ARL13B: variants seen among roughly 807,000 people sequenced by gnomAD.
ARL13B encodes ADP-ribosylation factor-like protein 13B.
In ARL13B, 36 loss-of-function variants were observed where a neutral mutation model predicts 56.1. That is an observed-to-expected ratio of 0.64 (90% CI 0.49 to 0.85). The LOEUF (loss-of-function observed/expected upper bound fraction) is 0.85, where lower values mean the gene tolerates loss of function less well. Ranked by LOEUF, ARL13B falls within the 40% of genes least tolerant of loss-of-function variation. ARL13B has a pLI of 0.00. For synonymous variants in ARL13B, 178 were observed against 171.1 expected, an observed-to-expected ratio of 1.04 and a Z score of -0.32; for missense variants, 519 against 507.1, an observed-to-expected ratio of 1.02 and a Z score of -0.23.
At position 93,986,407 on chromosome 3, in the gene ARL13B, GT is replaced by G. The variant is rs746922640; in HGVS notation, c.59+5931del. On this transcript the variant is annotated intron_variant, in intron 1 of 9. Transcript: ENST00000394222. Reference sequence around the variant, plus strand: ...TAGTGTACTGCAATAAAATCACACTGTTTTTTCGATACATTTTTTTCTTTCT... The same window carrying G: ...TAGTGTACTGCAATAAAATCACACTGTTTTTCGATACATTTTTTTCTTTCT... Among the ~76,000 whole-genome samples, 44 of 151,990 alleles carry G rather than the reference GT, an allele frequency of 2.9e-4. No individual in the cohort carries two copies. The East Asian group carries it at 7.3e-3, about 25-fold the overall frequency.
In ARL13B at chr3:94,036,696, C is replaced by G. The variant is rs1270371069; in HGVS notation, c.631C>G (p.Leu211Val). Residue 211 changes from leucine to valine, a missense_variant, in exon 5 of 10, where the codon CTT (leucine) becomes GTT (valine). Physicochemically the swap from Leu to Val is conservative, Grantham distance 32. Coordinates refer to ENST00000394222, the MANE Select transcript of ARL13B (RefSeq NM_001174150.2). ...IQKETTEQRA[L>V]EEQEKQERAE... Reference sequence around the variant, plus strand: ...AAAAGAGACAACAGAGCAGCGTGCTCTTGAGGAACAAGAGAAACAAGAAAG... The same window carrying G: ...AAAAGAGACAACAGAGCAGCGTGCTGTTGAGGAACAAGAGAAACAAGAAAG... 1 of 1,613,908 alleles carries G rather than the reference C, an allele frequency of 6.2e-7. No individual in the cohort carries two copies. The highest frequency in any genetic ancestry group is 1.7e-5 in the Admixed American group (1 of 60,008).
intron 2 of ARL13B, among the ~76,000 whole-genome samples, chr3:93,998,410 C>G (rs2076001208): frequency 1.3e-5 from 2 of 152,144 alleles, no homozygotes; most frequent in Admixed American, 6.5e-5. Context: ...GTCAAAGCTG[C>G]CTTCAACTTC....
chr3:94,054,634 T>C lies in ARL13B; in HGVS notation c.*1371T>C, dbSNP rs964403905. 5.3e-6 allele frequency: 2 copies of C among 377,002 alleles called. No homozygotes were observed. The highest frequency in any genetic ancestry group is 7.7e-5 in the East Asian group (1 of 12,998). 23.4% of individuals were successfully genotyped at this position (377,002 alleles called of 1,614,324 possible). On this transcript the variant is annotated 3_prime_UTR_variant, in exon 10 of 10. Transcript: ENST00000394222. ...CATTTTATGTCGTTTAATATAATTA[T>C]TTACTTTAAAAATTGTACTTCAGAA...
chr3:93,996,713 A>C (rs1356634982), intron 2 of ARL13B: 4 of 384,644 alleles, frequency 1.0e-5, no homozygotes, highest in Non-Finnish European at 2.2e-5. Flanking sequence ...TTTGTGCTAC[A>C]ATATAGCAGT....
intron 1 of ARL13B, among the ~76,000 whole-genome samples, chr3:93,995,371 A>C (rs1473884460): frequency 6.6e-6 from 1 of 152,000 alleles, no homozygotes; most frequent in Non-Finnish European, 1.5e-5. Flanking sequence ...AAATATTTTA[A>C]ACTTTACAAT....
chr3:93,986,181 A>G (rs1710451447), intron 1 of ARL13B, among the ~76,000 whole-genome samples: 1 of 152,146 alleles, frequency 6.6e-6, no homozygotes, highest in Admixed American at 6.6e-5. Context: ...TAATATAGAA[A>G]AGGACCTAGA....
At chr3:94,037,691 T>G (rs909414196) in intron 5 of ARL13B, among the ~76,000 whole-genome samples, 6 of 151,828 alleles carry the variant, frequency 4.0e-5, no homozygotes, top group Non-Finnish European at 8.8e-5. Flanking sequence ...ATGTTAAGTA[T>G]ACCTTTTATA....
chr3:93,999,793 A>T (rs572875726), intron 2 of ARL13B, among the ~76,000 whole-genome samples: 1 of 152,168 alleles, frequency 6.6e-6, no homozygotes, highest in South Asian at 2.1e-4. Flanking sequence ...CACAGGTTCA[A>T]TTGTTCTCAC....
intron 4 of ARL13B, among the ~76,000 whole-genome samples, chr3:94,036,298 T>C (rs1426919936): frequency 6.6e-6 from 1 of 152,178 alleles, no homozygotes; most frequent in Non-Finnish European, 1.5e-5. Context: ...TCTTCTAATA[T>C]TATAAGTGGC....
intron 3 of ARL13B, among the ~76,000 whole-genome samples, chr3:94,008,349 A>T (rs1012136904): frequency 6.6e-6 from 1 of 152,156 alleles, no homozygotes; most frequent in South Asian, 2.1e-4. Flanking sequence ...CCCTTCAGAA[A>T]TTTTTTTAAA....
intron 3 of ARL13B, among the ~76,000 whole-genome samples, chr3:94,008,413 A>G (rs2076168478): frequency 6.6e-6 from 1 of 152,174 alleles, no homozygotes. Flanking sequence ...AGGCCTTTCC[A>G]AGAGAAAAAG....
At chr3:93,983,981 G>T (rs1368110799) in intron 1 of ARL13B, among the ~76,000 whole-genome samples, 1 of 152,134 alleles carries the variant, frequency 6.6e-6, no homozygotes, top group Non-Finnish European at 1.5e-5. Flanking sequence ...CTGATAACAT[G>T]AATAGTCAGT....
At chr3:93,996,281 T>G (rs1331539776) in intron 2 of ARL13B, among the ~76,000 whole-genome samples, 1 of 152,146 alleles carries the variant, frequency 6.6e-6, no homozygotes, top group East Asian at 1.9e-4. Flanking sequence ...TCTACTTACA[T>G]TTTCCTGGCC....
intron 3 of ARL13B, among the ~76,000 whole-genome samples, chr3:94,025,142 C>A (rs907879756): frequency 6.6e-6 from 1 of 151,994 alleles, no homozygotes; most frequent in Non-Finnish European, 1.5e-5. Context: ...CATGTAATAT[C>A]ATTCCCTGAA....
intron 5 of ARL13B, 45 bp from the exon 6 acceptor site, chr3:94,039,835 G>T (rs1427733505): frequency 6.4e-7 from 1 of 1,553,404 alleles, no homozygotes; most frequent in East Asian, 2.3e-5. Context: ...ACATGGTTCA[G>T]CACTTTCTCA....
At chr3:94,036,219 G>A (rs2076764934) in intron 4 of ARL13B, among the ~76,000 whole-genome samples, 1 of 152,158 alleles carries the variant, frequency 6.6e-6, no homozygotes, top group African/African-American at 2.4e-5. Flanking sequence ...GTATATTGTA[G>A]TATAAGGAAT....
chr3:93,995,773 A>G, intron 1 of ARL13B, 101 bp from the exon 2 acceptor site: 2 of 1,049,636 alleles, frequency 1.9e-6, no homozygotes, highest in Non-Finnish European at 2.9e-6. Context: ...TGTGCTTAAT[A>G]GGTGCTCCTT....
At chr3:93,990,552 G>A (rs891927536) in intron 1 of ARL13B, among the ~76,000 whole-genome samples, 5 of 152,072 alleles carry the variant, frequency 3.3e-5, no homozygotes, top group Admixed American at 6.5e-5. Flanking sequence ...ATGAGGTCAC[G>A]TGTGGAATTT....
At chr3:94,035,869 T>G (rs2076758457) in intron 4 of ARL13B, among the ~76,000 whole-genome samples, 1 of 152,068 alleles carries the variant, frequency 6.6e-6, no homozygotes, top group Admixed American at 6.6e-5. Flanking sequence ...CCCAGGAGTT[T>G]GAGACCAACC....
Sources: gnomAD v4.1 joint callset for allele counts (sites outside exome capture counted in the v4.1 genomes callset) on GRCh38, gnomAD v4.1.1 for gene constraint, MANE v1.5 for transcripts, NCBI Gene and HGNC (gene_info 2026-07-23, HGNC 2026-07-21) for gene names.